Variants in PIAS2 observed in about 807,000 individuals in gnomAD.
The protein encoded by PIAS2 is E3 SUMO-protein ligase PIAS2.
Under a neutral mutation model 69.7 loss-of-function variants are expected in PIAS2, and 19 were observed. That is an observed-to-expected ratio of 0.27 (90% CI 0.19 to 0.40). The LOEUF (loss-of-function observed/expected upper bound fraction) is 0.40, where lower values mean the gene tolerates loss of function less well. Ranked by LOEUF, PIAS2 falls within the 10% of genes least tolerant of loss-of-function variation. PIAS2 has a pLI of 1.00. For missense variants in PIAS2, 624 were observed against 757.0 expected (o/e 0.82, Z 2.06); for synonymous variants, 261 against 263.2 (o/e 0.99, Z 0.08).
At chr18:46,884,153 T>C (rs926409709) in intron 2 of PIAS2, among the ~76,000 whole-genome samples, 6 of 152,162 alleles carry the variant, frequency 3.9e-5, no homozygotes, top group Admixed American at 1.3e-4. Context: ...TTTAAAGATA[T>C]GGTAATGTTC....
intron 11 of PIAS2, among the ~76,000 whole-genome samples, chr18:46,823,072 A>C (rs141116434): frequency 5.1e-4 from 54 of 104,868 alleles, no homozygotes; most frequent in African/African-American, 2.0e-3. Flanking sequence ...CCTTGTATCT[A>C]CAAAAAAAAA....
intron 1 of PIAS2, chr18:46,917,094 A>G (rs913197932): frequency 1.7e-4 from 164 of 989,170 alleles, no homozygotes; most frequent in Middle Eastern, 1.0e-3. Flanking sequence ...AGCACTCAGG[A>G]GCCGGCTCGC....
intron 2 of PIAS2, among the ~76,000 whole-genome samples, chr18:46,876,614 C>A (rs1230054915): frequency 6.6e-6 from 1 of 151,978 alleles, no homozygotes; most frequent in East Asian, 1.9e-4. Flanking sequence ...CCGATGGAAC[C>A]ATAACAACAA....
At chr18:46,833,883 G>A (rs149890501) in intron 9 of PIAS2, among the ~76,000 whole-genome samples, 2 of 152,306 alleles carry the variant, frequency 1.3e-5, no homozygotes, top group South Asian at 2.1e-4. Context: ...ATGTGGTTGA[G>A]AATAATCTGG....
chr18:46,895,599 A>G (rs2146068398), intron 1 of PIAS2, among the ~76,000 whole-genome samples: 1 of 152,220 alleles, frequency 6.6e-6, no homozygotes, highest in South Asian at 2.1e-4. Context: ...TGAACCCGGG[A>G]AGTGGTGGTT....
At chr18:46,817,318 G>A (rs1346809397) in intron 12 of PIAS2, 3 of 983,190 alleles carry the variant, frequency 3.1e-6, no homozygotes, top group East Asian at 1.1e-4. Context: ...TTTTCTAAAT[G>A]TTCAACTATT....
At chr18:46,861,271 GAAAGA>G (rs941340124) in intron 3 of PIAS2, among the ~76,000 whole-genome samples, 16 of 151,826 alleles carry the variant, frequency 1.1e-4, no homozygotes, top group African/African-American at 2.9e-4. Flanking sequence ...ATGAATGAAA[GAAAGA>G]AAAGAAAAGG....
chr18:46,898,161 AT>A (rs879452559), intron 1 of PIAS2, among the ~76,000 whole-genome samples: 46 of 146,732 alleles, frequency 3.1e-4, no homozygotes, highest in East Asian at 7.9e-4. Flanking sequence ...AGGCAATATA[AT>A]TTTTTTTTTT....
At chr18:46,861,266 TGAAA>T (rs554646817) in intron 3 of PIAS2, among the ~76,000 whole-genome samples, 97 of 151,562 alleles carry the variant, frequency 6.4e-4, no homozygotes, top group African/African-American at 2.2e-3. Flanking sequence ...AATGAATGAA[TGAAA>T]GAAAGAAAAG....
chr18:46,812,615 G>C lies in PIAS2; in HGVS notation c.1687-3C>G, dbSNP rs752974722. On this transcript the variant is annotated splice_region_variant and splice_polypyrimidine_tract_variant and intron_variant, in intron 13 of 13. Coordinates refer to ENST00000585916, the MANE Select transcript of PIAS2 (RefSeq NM_004671.5). ...TCCAAAAACATAGGAGGACAGTACT[G>C]CTTGAAACAAACAATGATGCCAATG... 6.3e-7 allele frequency: 1 copy of C among 1,588,914 alleles called. No homozygotes were observed. The highest frequency in any genetic ancestry group is 8.6e-7 in the Non-Finnish European group (1 of 1,162,752).
intron 3 of PIAS2, among the ~76,000 whole-genome samples, chr18:46,860,769 G>C (rs545332406): frequency 4.6e-5 from 7 of 152,224 alleles, no homozygotes; most frequent in Non-Finnish European, 7.4e-5. Flanking sequence ...TTGAGCACAG[G>C]TGTCTGAGAC....
chr18:46,912,246 T>C (rs2057352097), intron 1 of PIAS2, among the ~76,000 whole-genome samples: 1 of 152,140 alleles, frequency 6.6e-6, no homozygotes, highest in East Asian at 1.9e-4. Context: ...GATACCAAAA[T>C]CCAAGAATGC....
Position 46,808,882 on chromosome 18 carries a change from T to G in PIAS2, c.*3551A>C, listed in dbSNP as rs1007156432. ...GCCAGAGAAATGAAAGGCATACCCG[T>G]GAATTAAATTAATGCTTTAAAAAAA... On this transcript the variant is annotated 3_prime_UTR_variant, in exon 14 of 14. Transcript: ENST00000585916. The G allele has an allele frequency of 6.7e-6, 1 of 149,774 alleles. No homozygotes were observed. Among genetic ancestry groups the G allele is most frequent in the Admixed American group, 6.7e-5 (1 of 14,968 alleles). The allele number at this position is 149,774 out of a possible 1,614,324, so 9.3% of individuals were successfully genotyped here. A position where few individuals can be genotyped will look rare whatever the true frequency, so the allele number is the denominator to read the frequency against.
At chr18:46,899,191 G>C (rs1000622664) in intron 1 of PIAS2, among the ~76,000 whole-genome samples, 5 of 151,990 alleles carry the variant, frequency 3.3e-5, no homozygotes, top group African/African-American at 9.7e-5. Context: ...TAATATGGCA[G>C]GTCATGATGA....
intron 11 of PIAS2, among the ~76,000 whole-genome samples, chr18:46,825,085 G>A (rs1260303342): frequency 1.3e-5 from 2 of 151,598 alleles, no homozygotes; most frequent in Non-Finnish European, 2.9e-5. Context: ...CTCATTCTCT[G>A]TTCTTTCTCA....
At chr18:46,870,368 C>T (rs1345378755) in intron 2 of PIAS2, among the ~76,000 whole-genome samples, 1 of 152,120 alleles carries the variant, frequency 6.6e-6, no homozygotes, top group Admixed American at 6.5e-5. Context: ...GTAATCCCAG[C>T]ACTCTGGGAG....
intron 2 of PIAS2, among the ~76,000 whole-genome samples, chr18:46,867,221 A>T (rs1293648674): frequency 6.6e-6 from 1 of 152,180 alleles, no homozygotes; most frequent in Non-Finnish European, 1.5e-5. Context: ...CAAATTTTCA[A>T]TCCAGATTAT....
rs191437643 is a variant in PIAS2 at position 46,905,410 on chromosome 18, A to C, written c.24+11912T>G. Among the ~76,000 whole-genome samples the C allele has an allele frequency of 2.1e-3, 316 of 152,300 alleles. 1 individual carries two copies. Among genetic ancestry groups the C allele is most frequent in the African/African-American group, 7.4e-3 (306 of 41,596 alleles). On this transcript the variant is annotated intron_variant, in intron 1 of 13. Transcript: ENST00000585916. ...AACTATGTTAAAATGCTGAAAATTA[A>C]TGACAGGCACCCAGCTTAAGAAATT...
In PIAS2 at chr18:46,844,083, T is replaced by C; in HGVS notation, c.1012A>G (p.Thr338Ala). Residue 338 changes from threonine to alanine, a missense_variant, in exon 8 of 14, where the codon ACT becomes GCT. Coordinates refer to ENST00000585916, the MANE Select transcript of PIAS2 (RefSeq NM_004671.5). Reference protein sequence around the residue: ...TADPDSEIATTSLRVSLMCPL... With the variant: ...TADPDSEIATASLRVSLMCPL... Reference sequence around the variant, plus strand: ...CACATCAAGGATACCCGAAGGCTAGTTGTAGCAATTTCACTATCAGGATCT... The same window carrying C: ...CACATCAAGGATACCCGAAGGCTAGCTGTAGCAATTTCACTATCAGGATCT... 1 of 1,542,018 alleles carries C rather than the reference T, an allele frequency of 6.5e-7. No individual in the cohort carries two copies. Among genetic ancestry groups the C allele is most frequent in the Non-Finnish European group, 8.7e-7 (1 of 1,146,024 alleles).
Sources: allele counts gnomAD v4.1 joint callset (sites outside exome capture counted in the v4.1 genomes callset), GRCh38; gene constraint gnomAD v4.1.1; transcripts MANE v1.5; gene names NCBI Gene and HGNC (gene_info 2026-07-23, HGNC 2026-07-21).